AMBRA1: variants seen among roughly 807,000 people sequenced by gnomAD.
AMBRA1 encodes the protein autophagy and beclin 1 regulator 1, also known as activating molecule in BECN1-regulated autophagy protein 1.
In AMBRA1, 47 loss-of-function variants were observed where a neutral mutation model predicts 125.4. The ratio of observed to expected loss-of-function variants is 0.37; its 90% CI spans 0.30 to 0.48. AMBRA1 has a LOEUF of 0.48. Ranked by LOEUF, AMBRA1 falls within the 20% of genes least tolerant of loss-of-function variation. The pLI, the probability that AMBRA1 is intolerant of heterozygous loss-of-function variation, is 0.99. For missense variants in AMBRA1, 1,331 were observed against 1,693.4 expected, an observed-to-expected ratio of 0.79 and a Z score of 3.76; for synonymous variants, 626 against 655.5, an observed-to-expected ratio of 0.95 and a Z score of 0.69.
chr11:46,423,025 G>A lies in AMBRA1; in HGVS notation c.2977-4973C>T, dbSNP rs78132848. The stretch of plus-strand genomic sequence containing the variant: ...CCTTCTGGGTAATGATGGGAATTAA[G>A]GAAGGCTTAAGGTTTTAGTGAGGGC... On this transcript the variant is annotated intron_variant, in intron 14 of 17. Transcript: ENST00000683756. Among the ~76,000 whole-genome samples the A allele has an allele frequency of 4.3e-3, 659 of 152,324 alleles. 1 individual carries two copies. The highest frequency in any genetic ancestry group is 0.015 in the African/African-American group (640 of 41,580).
At chr11:46,590,554 G>A (rs2044560831) in intron 1 of AMBRA1, among the ~76,000 whole-genome samples, 1 of 151,884 alleles carries the variant, frequency 6.6e-6, no homozygotes, top group Admixed American at 6.6e-5. Flanking sequence ...TTTTTCAAGT[G>A]ATATACATAA....
chr11:46,584,385 A>G (rs11038930), intron 1 of AMBRA1, among the ~76,000 whole-genome samples: 2 of 62,174 alleles, frequency 3.2e-5, no homozygotes, highest in Non-Finnish European at 5.8e-5. Context: ...GGGTGGGGGG[A>G]GGGGGGAGGG....
chr11:46,548,636 C>G (rs1292889608), intron 1 of AMBRA1, 136 bp from the exon 2 acceptor site: 1 of 450,968 alleles, frequency 2.2e-6, no homozygotes, highest in African/African-American at 2.0e-5. Context: ...CCCTTCCTCC[C>G]AGAATTTTTC....
intron 16 of AMBRA1, among the ~76,000 whole-genome samples, 160 bp from the exon 17 acceptor site, chr11:46,408,866 T>C (rs1946148357): frequency 6.6e-6 from 1 of 152,246 alleles, no homozygotes; most frequent in Admixed American, 6.5e-5. Flanking sequence ...GGTGGTTAAC[T>C]TGTCTGTGTC....
At chr11:46,479,236 T>A (rs990175435) in intron 11 of AMBRA1, among the ~76,000 whole-genome samples, 1 of 151,570 alleles carries the variant, frequency 6.6e-6, no homozygotes, top group African/African-American at 2.4e-5. Context: ...GTGTTCAGAG[T>A]GTGCTAGCAG....
At chr11:46,422,371 T>C (rs1217956032) in intron 14 of AMBRA1, among the ~76,000 whole-genome samples, 2 of 152,128 alleles carry the variant, frequency 1.3e-5, no homozygotes, top group Non-Finnish European at 2.9e-5. Flanking sequence ...AGCATGTTAA[T>C]AGGGAATGAG....
chr11:46,464,769 G>C (rs1202634262), intron 11 of AMBRA1, among the ~76,000 whole-genome samples: 1 of 151,790 alleles, frequency 6.6e-6, no homozygotes, highest in African/African-American at 2.4e-5. Flanking sequence ...AGACAAGGCC[G>C]GGCGCAGTGG....
intron 13 of AMBRA1, among the ~76,000 whole-genome samples, chr11:46,433,843 C>T (rs552509419): frequency 2.1e-4 from 32 of 152,186 alleles, no homozygotes; most frequent in African/African-American, 6.0e-4. Context: ...AGGCTGAACG[C>T]GGTGGCTCAT....
intron 1 of AMBRA1, among the ~76,000 whole-genome samples, chr11:46,577,657 G>GA (rs906410498): frequency 3.3e-5 from 5 of 151,812 alleles, no homozygotes; most frequent in South Asian, 4.1e-4. Flanking sequence ...AAAGAAAAAA[G>GA]AAAAAAAATT....
In AMBRA1 at chr11:46,542,361, G is replaced by A. The variant is rs746891595; in HGVS notation, c.1656C>T (p.His552=). The A allele has an allele frequency of 1.4e-5, 22 of 1,614,070 alleles. No individual in the cohort carries two copies. The Middle Eastern group carries it at 8.2e-4, about 60-fold the overall frequency. ...ACAGGTTGGAGTTGTTCTCACTGCT[G>A]TGTGGGGTGGGCTGGTGGGAAGGGC... ...RPGPSHQPTP[H]SSENNSNLSR... is the part of the protein sequence containing the mutation. Residue 552 remains histidine, a synonymous_variant, in exon 7 of 18, where the codon CAC becomes CAT. Transcript: ENST00000683756. This position sits in a 1 kb window ranked among gnomAD's most constrained non-coding sequence, Gnocchi z 5.9.
intron 14 of AMBRA1, among the ~76,000 whole-genome samples, chr11:46,428,292 A>G (rs1205571259): frequency 6.6e-6 from 1 of 152,222 alleles, no homozygotes; most frequent in African/African-American, 2.4e-5. Context: ...ACTCTTGGCT[A>G]CGGTTTTACC....
intron 14 of AMBRA1, among the ~76,000 whole-genome samples, chr11:46,421,298 G>A (rs1344105884): frequency 6.6e-6 from 1 of 152,226 alleles, no homozygotes; most frequent in Non-Finnish European, 1.5e-5. Flanking sequence ...CCTCATGCTC[G>A]AGTCCTTAAA....
intron 3 of AMBRA1, 35 bp from the exon 4 acceptor site, chr11:46,547,331 C>A: frequency 6.4e-7 from 1 of 1,559,888 alleles, no homozygotes; most frequent in Non-Finnish European, 8.7e-7. Flanking sequence ...AATTCAGAAG[C>A]ATGTGGAAGG....
chr11:46,553,146 T>C (rs1394021165), intron 1 of AMBRA1, among the ~76,000 whole-genome samples: 1 of 151,966 alleles, frequency 6.6e-6, no homozygotes, highest in Non-Finnish European at 1.5e-5. Flanking sequence ...TTTCACCATA[T>C]TGGTCAGGCT....
intron 9 of AMBRA1, among the ~76,000 whole-genome samples, chr11:46,502,693 C>T (rs1250141559): frequency 6.6e-6 from 1 of 152,146 alleles, no homozygotes; most frequent in Non-Finnish European, 1.5e-5. Context: ...ATGGTATTCT[C>T]TAGTTTCTAA....
At chr11:46,521,049 G>A (rs1951740424) in intron 7 of AMBRA1, among the ~76,000 whole-genome samples, 1 of 152,086 alleles carries the variant, frequency 6.6e-6, no homozygotes. Flanking sequence ...ACATGTAATA[G>A]GAAACCAACA....
intron 11 of AMBRA1, among the ~76,000 whole-genome samples, chr11:46,467,232 A>G (rs759174806): frequency 6.6e-6 from 1 of 151,798 alleles, no homozygotes; most frequent in Non-Finnish European, 1.5e-5. Flanking sequence ...CTGATTTTTC[A>G]ATTTCCGCTA....
rs569568833 is a variant in AMBRA1 at position 46,566,405 on chromosome 11, G to A, written c.-120-17905C>T. The stretch of plus-strand genomic sequence containing the variant: ...GGCACTCCAGCCTGGGTGACACAGC[G>A]AGACTACATCTCAAGAAAAAAAAAA... On this transcript the variant is annotated intron_variant, in intron 1 of 17. Transcript: ENST00000683756. 6.6e-5 allele frequency among the ~76,000 whole-genome samples: 10 copies of A among 151,042 alleles called. No individual in the cohort carries two copies. The East Asian group carries it at 1.2e-3, about 18-fold the overall frequency.
At chr11:46,552,947 CA>C (rs2043053924) in intron 1 of AMBRA1, among the ~76,000 whole-genome samples, 1 of 151,536 alleles carries the variant, frequency 6.6e-6, no homozygotes, top group Non-Finnish European at 1.5e-5. Flanking sequence ...CCTCATCACT[CA>C]CTTTTTTTCT....
Sources: gnomAD v4.1 joint callset for allele counts (sites outside exome capture counted in the v4.1 genomes callset) on GRCh38, gnomAD v4.1.1 for gene constraint, Gnocchi (gnomAD v3.1) non-coding constraint, MANE v1.5 for transcripts, NCBI Gene and HGNC (gene_info 2026-07-23, HGNC 2026-07-21) for gene names.